Variants in SDC2 observed in about 807,000 individuals in gnomAD.
SDC2 encodes the protein syndecan 2.
A neutral mutation model predicts 22.2 loss-of-function variants in SDC2; 13 were observed. The ratio of observed to expected loss-of-function variants is 0.59; its 90% confidence interval spans 0.38 to 0.93. SDC2 has a LOEUF of 0.93. SDC2 is among the 40% of genes least tolerant of loss of function. The pLI, the probability that SDC2 is intolerant of heterozygous loss-of-function variation, is 0.00. For missense variants in SDC2, 235 were observed against 246.8 expected, an observed-to-expected ratio of 0.95 and a Z score of 0.32; for synonymous variants, 94 against 92.8, an observed-to-expected ratio of 1.01 and a Z score of -0.07.
At chr8:96,599,216 C>T (rs184447643) in intron 2 of SDC2, among the ~76,000 whole-genome samples, 3 of 152,266 alleles carry the variant, frequency 2.0e-5, no homozygotes, top group Middle Eastern at 6.8e-3. Context: ...GCTAGGATTG[C>T]AGGCGCGAGC....
chr8:96,498,629 T>A (rs1257958704), intron 1 of SDC2, among the ~76,000 whole-genome samples: 1 of 152,142 alleles, frequency 6.6e-6, no homozygotes, highest in Non-Finnish European at 1.5e-5. Context: ...TAGCTGGGAC[T>A]ACAGGCACAT....
intron 4 of SDC2, among the ~76,000 whole-genome samples, chr8:96,608,795 C>T (rs534982314): frequency 6.6e-6 from 1 of 152,252 alleles, no homozygotes; most frequent in South Asian, 2.1e-4. Flanking sequence ...TGCTCACAGG[C>T]ATTCTACATT....
chr8:96,589,406 GT>G (rs779868762), intron 1 of SDC2, among the ~76,000 whole-genome samples: 1 of 151,048 alleles, frequency 6.6e-6, no homozygotes, highest in South Asian at 2.1e-4. Flanking sequence ...TTGTTTGTTT[GT>G]TTGTTTGTTG....
chr8:96,520,751 T>A (rs1443595006), intron 1 of SDC2, among the ~76,000 whole-genome samples: 1 of 152,194 alleles, frequency 6.6e-6, no homozygotes, highest in Non-Finnish European at 1.5e-5. Context: ...TGCAGTTCTC[T>A]AAGGATTAGC....
At chr8:96,592,035 G>A (rs1450886557) in intron 1 of SDC2, among the ~76,000 whole-genome samples, 2 of 152,200 alleles carry the variant, frequency 1.3e-5, no homozygotes, top group African/African-American at 4.8e-5. Context: ...GCAGAGTTAA[G>A]CTCTGACCAT....
At chr8:96,599,856 A>G (rs1478642130) in intron 2 of SDC2, among the ~76,000 whole-genome samples, 1 of 152,212 alleles carries the variant, frequency 6.6e-6, no homozygotes, top group African/African-American at 2.4e-5. Context: ...TGAACCGGCC[A>G]GGAGCCGGGC....
intron 1 of SDC2, among the ~76,000 whole-genome samples, chr8:96,533,676 C>T (rs1381670507): frequency 2.6e-5 from 4 of 152,310 alleles, no homozygotes; most frequent in East Asian, 1.9e-4. Context: ...GGGGCATTTA[C>T]AAACCTTGAG....
chr8:96,510,017 G>A (rs1352143743), intron 1 of SDC2, among the ~76,000 whole-genome samples: 1 of 152,124 alleles, frequency 6.6e-6, no homozygotes, highest in Admixed American at 6.5e-5. Flanking sequence ...TTTATCTGAG[G>A]ATGTCTTTTA....
intron 1 of SDC2, among the ~76,000 whole-genome samples, chr8:96,543,723 G>A (rs1813888263): frequency 6.6e-6 from 1 of 152,108 alleles, no homozygotes; most frequent in Non-Finnish European, 1.5e-5. Context: ...TTCAGCCTGA[G>A]CCAAATGCTC....
chr8:96,585,217 A>G (rs1814661843), intron 1 of SDC2, among the ~76,000 whole-genome samples: 1 of 152,250 alleles, frequency 6.6e-6, no homozygotes, highest in South Asian at 2.1e-4. Context: ...AAAAGCAACA[A>G]AAGGGCATAA....
chr8:96,585,726 A>C (rs1814674639), intron 1 of SDC2, among the ~76,000 whole-genome samples: 1 of 152,194 alleles, frequency 6.6e-6, no homozygotes, highest in South Asian at 2.1e-4. Flanking sequence ...CACTGTAGGA[A>C]GAAAAATTGT....
At chr8:96,545,750 G>A (rs1234702952) in intron 1 of SDC2, among the ~76,000 whole-genome samples, 1 of 152,206 alleles carries the variant, frequency 6.6e-6, no homozygotes, top group Non-Finnish European at 1.5e-5. Flanking sequence ...TGGGCTTAGG[G>A]TGGTGGCCTG....
At chr8:96,582,434 G>T (rs144206014) in intron 1 of SDC2, among the ~76,000 whole-genome samples, 4 of 152,244 alleles carry the variant, frequency 2.6e-5, no homozygotes, top group African/African-American at 9.6e-5. Flanking sequence ...GAAATTGGTG[G>T]TCTCGTCAGC....
intron 3 of SDC2, among the ~76,000 whole-genome samples, chr8:96,606,070 T>C (rs1451849870): frequency 1.3e-5 from 2 of 152,160 alleles, no homozygotes; most frequent in African/African-American, 4.8e-5. Context: ...CTAATGAAGA[T>C]GGTAGGAAGC....
intron 1 of SDC2, among the ~76,000 whole-genome samples, chr8:96,590,339 G>A (rs116062108): frequency 4.6e-5 from 7 of 152,198 alleles, no homozygotes; most frequent in Non-Finnish European, 8.8e-5. Flanking sequence ...GCTTCTGCAC[G>A]TTTCCTTCCA....
At chr8:96,549,570 G>T (rs1813992504) in intron 1 of SDC2, among the ~76,000 whole-genome samples, 1 of 152,288 alleles carries the variant, frequency 6.6e-6, no homozygotes, top group South Asian at 2.1e-4. Flanking sequence ...AGTAGTTTAA[G>T]GGGGTGATTA....
chr8:96,595,095 G>T (rs2704257), intron 2 of SDC2, among the ~76,000 whole-genome samples: 22,207 of 152,186 alleles, frequency 0.15, 2,016 homozygotes, highest in South Asian at 0.3. Context: ...TAATAGTCAA[G>T]TGAGAAATTT....
chr8:96,503,671 G>T (rs1813199031), intron 1 of SDC2, among the ~76,000 whole-genome samples: 1 of 152,190 alleles, frequency 6.6e-6, no homozygotes, highest in Non-Finnish European at 1.5e-5. Flanking sequence ...ACTAGGAAGG[G>T]GCACAAGAGA....
rs77121436 is a variant in SDC2, at chr8:96,545,896, G to A, written c.61-47584G>A. ...TCCTTACTGTGTTAGATGAGGTTTC[G>A]GAGTTAAGATGGGGACACTAGAACT... On this transcript the variant is annotated intron_variant, in intron 1 of 4. Transcript: ENST00000302190. Among the ~76,000 whole-genome samples, 424 of 152,298 alleles carry A rather than the reference G, an allele frequency of 2.8e-3. 12 individuals are homozygous for A. In the East Asian group the frequency reaches 0.067, roughly 24 times the overall value.
Sources: gnomAD v4.1 joint callset for allele counts (sites outside exome capture counted in the v4.1 genomes callset) on GRCh38, gnomAD v4.1.1 for gene constraint, MANE v1.5 for transcripts, NCBI Gene and HGNC (gene_info 2026-07-23, HGNC 2026-07-21) for gene names.